ASIC2: variants seen among roughly 807,000 people sequenced by gnomAD.
The protein encoded by ASIC2 is acid-sensing ion channel 2.
A neutral mutation model predicts 57.3 loss-of-function variants in ASIC2; 25 were observed. The ratio of observed to expected loss-of-function variants is 0.44; its 90% CI spans 0.32 to 0.61. The LOEUF (loss-of-function observed/expected upper bound fraction) is 0.61, where lower values mean the gene tolerates loss of function less well. Ranked by LOEUF, ASIC2 falls within the 20% of genes least tolerant of loss-of-function variation. The pLI, the probability that ASIC2 is intolerant of heterozygous loss-of-function variation, is 0.06. For synonymous variants in ASIC2, 319 were observed against 307.5 expected (o/e 1.04, Z -0.39); for missense variants, 641 against 738.1 (o/e 0.87, Z 1.52).
rs151015997 is a variant in ASIC2, at chr17:33,717,230, A to G, written c.555+438748T>C. Reference sequence around the variant, plus strand: ...ATATGTTAATTTGATGCAATGCATTACTGCTCTGACAGCTTTCAGCTTTTG... The same window carrying G: ...ATATGTTAATTTGATGCAATGCATTGCTGCTCTGACAGCTTTCAGCTTTTG... On this transcript the variant is annotated intron_variant, in intron 1 of 9. Transcript: ENST00000359872. Among the ~76,000 whole-genome samples the G allele has an allele frequency of 3.5e-3, 528 of 152,390 alleles. 3 individuals are homozygous for G. The highest frequency in any genetic ancestry group is 0.012 in the African/African-American group (502 of 41,590).
At chr17:33,246,392 C>T (rs1242570618) in intron 1 of ASIC2, among the ~76,000 whole-genome samples, 1 of 152,180 alleles carries the variant, frequency 6.6e-6, no homozygotes, top group African/African-American at 2.4e-5. Flanking sequence ...GTGTAAAGAG[C>T]GCCTAACACA....
chr17:33,178,796 T>C (rs1905864212), intron 1 of ASIC2, among the ~76,000 whole-genome samples: 1 of 152,198 alleles, frequency 6.6e-6, no homozygotes, highest in Non-Finnish European at 1.5e-5. Context: ...GCTCTGTGTG[T>C]GCACTCATAC....
At chr17:33,997,078 T>G (rs1477410350) in intron 1 of ASIC2, among the ~76,000 whole-genome samples, 3 of 152,176 alleles carry the variant, frequency 2.0e-5, no homozygotes, top group Non-Finnish European at 2.9e-5. Flanking sequence ...CCTTGTTAAA[T>G]TTAGTCCTAA....
chr17:33,090,745 G>C (rs1416348312), intron 2 of ASIC2, among the ~76,000 whole-genome samples: 2 of 152,104 alleles, frequency 1.3e-5, no homozygotes, highest in African/African-American at 4.8e-5. Flanking sequence ...GAAAGTGTGG[G>C]GGCTATTGAC....
At chr17:33,946,117 T>G (rs947306320) in intron 1 of ASIC2, among the ~76,000 whole-genome samples, 4 of 152,228 alleles carry the variant, frequency 2.6e-5, no homozygotes, top group African/African-American at 9.6e-5. Flanking sequence ...CAGATCCTAT[T>G]ACTGGTCACT....
chr17:34,074,110 A>G (rs1909531261), intron 1 of ASIC2, among the ~76,000 whole-genome samples: 1 of 152,158 alleles, frequency 6.6e-6, no homozygotes, highest in African/African-American at 2.4e-5. Flanking sequence ...ACTTGTTAGA[A>G]ATGCCAAAAT....
chr17:33,477,598 T>C (rs543954731), intron 1 of ASIC2, among the ~76,000 whole-genome samples: 1 of 152,362 alleles, frequency 6.6e-6, no homozygotes, highest in African/African-American at 2.4e-5. Context: ...CATTTATGCA[T>C]GTGCTTCTTC....
At chr17:33,299,314 A>G (rs1233330760) in intron 1 of ASIC2, among the ~76,000 whole-genome samples, 2 of 152,210 alleles carry the variant, frequency 1.3e-5, no homozygotes, top group African/African-American at 4.8e-5. Flanking sequence ...GTGGGGCCCT[A>G]GAGGTGGCCA....
chr17:33,421,772 T>TCTTCAGTGGAAAGCCATTGC (rs1205573615), intron 1 of ASIC2, among the ~76,000 whole-genome samples: 2 of 152,184 alleles, frequency 1.3e-5, no homozygotes, highest in Non-Finnish European at 2.9e-5. Context: ...CCCATGCTGT[T>TCTTCAGTGGAAAGCCATTGC]CTTCAGTGGA....
intron 1 of ASIC2, chr17:33,935,748 T>C (rs1281142889): frequency 3.3e-5 from 5 of 152,246 alleles, no homozygotes; most frequent in African/African-American, 1.2e-4. Flanking sequence ...CATGTCCATC[T>C]GATCTCCAAG....
chr17:33,126,875 T>C (rs1025208891), intron 1 of ASIC2, among the ~76,000 whole-genome samples: 5 of 143,236 alleles, frequency 3.5e-5, no homozygotes, highest in African/African-American at 1.3e-4. Flanking sequence ...TTTTTTTTTT[T>C]TTTGAGACGG....
intron 1 of ASIC2, among the ~76,000 whole-genome samples, chr17:33,842,388 A>C (rs918927167): frequency 6.6e-6 from 1 of 152,166 alleles, no homozygotes; most frequent in Non-Finnish European, 1.5e-5. Context: ...CATCTACCAT[A>C]CAGGGTCATT....
At chr17:33,791,710 T>G (rs1469593391) in intron 1 of ASIC2, 1 of 151,926 alleles carries the variant, frequency 6.6e-6, no homozygotes, top group Non-Finnish European at 1.5e-5. Flanking sequence ...ATAATGGTAA[T>G]ATTGAGAATG....
chr17:33,581,861 G>GT (rs1440712167), intron 1 of ASIC2, among the ~76,000 whole-genome samples: 1 of 152,200 alleles, frequency 6.6e-6, no homozygotes, highest in Non-Finnish European at 1.5e-5. Context: ...GGGAGGTGGG[G>GT]TTTTTCCTTT....
intron 1 of ASIC2, among the ~76,000 whole-genome samples, chr17:34,047,323 A>C (rs1192240633): frequency 6.6e-6 from 1 of 152,066 alleles, no homozygotes; most frequent in South Asian, 2.1e-4. Flanking sequence ...CTCAACCTTC[A>C]TGAAGCCTAC....
intron 1 of ASIC2, among the ~76,000 whole-genome samples, chr17:33,186,666 G>A (rs892874733): frequency 6.6e-6 from 1 of 152,120 alleles, no homozygotes; most frequent in Non-Finnish European, 1.5e-5. Context: ...CAAAGGGGGC[G>A]AGAGCCTTGA....
intron 1 of ASIC2, among the ~76,000 whole-genome samples, chr17:33,585,426 T>C (rs992494902): frequency 2.0e-5 from 3 of 152,232 alleles, no homozygotes; most frequent in South Asian, 2.1e-4. Flanking sequence ...TCAAATCTTA[T>C]TGAGAAATCA....
At chr17:33,414,409 G>A (rs1257130912) in intron 1 of ASIC2, among the ~76,000 whole-genome samples, 2 of 152,182 alleles carry the variant, frequency 1.3e-5, no homozygotes, top group Non-Finnish European at 2.9e-5. Flanking sequence ...TTGGCCAGGG[G>A]AGAAGGAAGT....
At chr17:33,045,608 A>T (rs1388594840) in intron 3 of ASIC2, among the ~76,000 whole-genome samples, 4 of 152,068 alleles carry the variant, frequency 2.6e-5, no homozygotes, top group Non-Finnish European at 4.4e-5. Context: ...ACAGGCTAGG[A>T]TATCAGCTTT....
Sources: allele counts gnomAD v4.1 joint callset (sites outside exome capture counted in the v4.1 genomes callset), GRCh38; gene constraint gnomAD v4.1.1; transcripts MANE v1.5; gene names NCBI Gene and HGNC (gene_info 2026-07-23, HGNC 2026-07-21).